CRACDL: variants seen among roughly 807,000 people sequenced by gnomAD.
CRACDL encodes CRACD-like protein.
CRACDL carries 26 observed loss-of-function variants against 70.6 expected under a neutral mutation model. The observed-to-expected ratio is 0.37, with a 90% CI of 0.27 to 0.51. CRACDL has a LOEUF of 0.51. Ranked by LOEUF, CRACDL falls within the 20% of genes least tolerant of loss-of-function variation. The probability of loss-of-function intolerance (pLI) is 0.94; values close to 1 mark genes in which losing one functional copy is unlikely to be tolerated. For missense variants in CRACDL, 1,283 were observed against 1,376.9 expected (o/e 0.93, Z 1.08); for synonymous variants, 618 against 615.2 (o/e 1.00, Z -0.07).
chr2:98,901,114 A>G (rs1203425929), intron 1 of CRACDL, among the ~76,000 whole-genome samples: 1 of 152,162 alleles, frequency 6.6e-6, no homozygotes, highest in Non-Finnish European at 1.5e-5. Context: ...TCCACTACTT[A>G]GAGTACCGTG....
At position 98,823,460 on chromosome 2, in the gene CRACDL, T is replaced by A. The variant is rs1328485372; in HGVS notation, c.813A>T (p.Glu271Asp). The part of the protein sequence containing the change: ...EEENEEKPLL[E>D]VSPEERPSSG... Reference sequence around the variant, plus strand: ...AGCTGGGGCGCTCTTCTGGGCTGACTTCCAAAAGTGGCTTCTCCTCGTTTT... The same window carrying A: ...AGCTGGGGCGCTCTTCTGGGCTGACATCCAAAAGTGGCTTCTCCTCGTTTT... The change falls in exon 7 of 10, where the codon GAA (glutamate) becomes GAT (aspartate). Residue 271 changes from glutamate to aspartate, a missense_variant. This residue lies in a region of CRACDL where 362 missense variants were observed against 495.0 expected (regional missense o/e 0.73). Transcript: ENST00000397899. The surrounding 1 kb of genome is among the most constrained non-coding windows in gnomAD (Gnocchi z 4.0). The A allele has an allele frequency of 6.3e-7, 1 of 1,593,236 alleles. No individual in the cohort carries two copies. Among genetic ancestry groups the A allele is most frequent in the African/African-American group, 1.3e-5 (1 of 74,710 alleles).
At chr2:98,865,115 C>T (rs1707083874) in intron 1 of CRACDL, among the ~76,000 whole-genome samples, 1 of 152,110 alleles carries the variant, frequency 6.6e-6, no homozygotes, top group African/African-American at 2.4e-5. Flanking sequence ...CCAACCCAAG[C>T]CCTGTGCACA....
intron 1 of CRACDL, among the ~76,000 whole-genome samples, chr2:98,896,774 G>A (rs987623425): frequency 5.8e-4 from 88 of 152,158 alleles, no homozygotes; most frequent in African/African-American, 2.0e-3. Context: ...TTTCTTTTAG[G>A]CTTTTAGCAG....
Position 98,794,349 on chromosome 2 carries a change from G to A in CRACDL, c.*183C>T. 1 of 506,766 alleles carries A rather than the reference G, an allele frequency of 2.0e-6. No homozygotes were observed. The highest frequency in any genetic ancestry group is 3.4e-6 in the Non-Finnish European group (1 of 291,524). 31.4% of individuals were successfully genotyped at this position (506,766 alleles called of 1,614,324 possible). The stretch of plus-strand genomic sequence containing the variant: ...TCTTGTTTCTGGGCCCTCTGGCCCA[G>A]GAGTATGGCTGTGTGTTTATCCTCT... On this transcript the variant is annotated 3_prime_UTR_variant, in exon 10 of 10. Coordinates refer to ENST00000397899, the MANE Select transcript of CRACDL (RefSeq NM_207362.3).
intron 7 of CRACDL, among the ~76,000 whole-genome samples, chr2:98,811,729 G>C (rs1191552112): frequency 3.9e-5 from 6 of 151,942 alleles, no homozygotes; most frequent in African/African-American, 1.5e-4. Flanking sequence ...GGCAACTACT[G>C]ATCTATTTGT....
intron 1 of CRACDL, among the ~76,000 whole-genome samples, chr2:98,877,646 G>C (rs1195390963): frequency 6.6e-6 from 1 of 152,094 alleles, no homozygotes; most frequent in Non-Finnish European, 1.5e-5. Flanking sequence ...CAACTCGGGA[G>C]GCTGAGACAG....
chr2:98,799,285 T>G (rs1703971069), intron 7 of CRACDL, among the ~76,000 whole-genome samples: 1 of 152,200 alleles, frequency 6.6e-6, no homozygotes, highest in Non-Finnish European at 1.5e-5. Flanking sequence ...CCTTTGTTTC[T>G]GCTTCCAGTT....
chr2:98,897,568 T>G, intron 1 of CRACDL: 1 of 279,456 alleles, frequency 3.6e-6, no homozygotes, highest in East Asian at 8.6e-5. Flanking sequence ...GGAGGTTCCA[T>G]GTAATCCAAT....
chr2:98,867,499 T>G (rs1441773322), intron 1 of CRACDL, among the ~76,000 whole-genome samples: 6 of 152,066 alleles, frequency 3.9e-5, no homozygotes, highest in Non-Finnish European at 8.8e-5. Context: ...TCATATGAGA[T>G]TTGAAAAACA....
chr2:98,933,555 C>T (rs1159522266), intron 1 of CRACDL, among the ~76,000 whole-genome samples: 1 of 152,172 alleles, frequency 6.6e-6, no homozygotes, highest in African/African-American at 2.4e-5. Flanking sequence ...TTGCACCTTT[C>T]CACAATAAAC....
At chr2:98,853,045 G>A (rs1465405364) in intron 1 of CRACDL, among the ~76,000 whole-genome samples, 23 of 114,382 alleles carry the variant, frequency 2.0e-4, no homozygotes, top group African/African-American at 7.0e-4. Context: ...AAGGGAAGGG[G>A]AAAGGGAAGG....
At chr2:98,808,246 G>C (rs1704402306) in intron 7 of CRACDL, among the ~76,000 whole-genome samples, 1 of 152,174 alleles carries the variant, frequency 6.6e-6, no homozygotes, top group Non-Finnish European at 1.5e-5. Flanking sequence ...TCCTAAGTTT[G>C]AGAAGCGCCG....
chr2:98,864,424 C>CA (rs1365263104), intron 1 of CRACDL, among the ~76,000 whole-genome samples: 1 of 151,968 alleles, frequency 6.6e-6, no homozygotes, highest in Non-Finnish European at 1.5e-5. Context: ...GCTGGGGAAA[C>CA]ACAGGTAGAA....
Position 98,846,747 on chromosome 2 carries a change from A to C in CRACDL, c.54T>G (p.Leu18=). The C allele has an allele frequency of 6.2e-7, 1 of 1,614,132 alleles. No individual in the cohort carries two copies. The highest frequency in any genetic ancestry group is 1.1e-5 in the South Asian group (1 of 91,086). Residue 18 remains leucine (L), a synonymous_variant, in exon 2 of 10, where the codon CTT becomes CTG. Coordinates refer to ENST00000397899, the MANE Select transcript of CRACDL (RefSeq NM_207362.3). ...DIKLREAAEG[L]GEDSTGKKKS... ...GGGCCTTACCTGTGCTGTCCTCCCCAAGGCCTTCTGCAGCCTCCCGAAGCT... is the reference window on the plus strand; with the variant it reads ...GGGCCTTACCTGTGCTGTCCTCCCCCAGGCCTTCTGCAGCCTCCCGAAGCT...
At chr2:98,827,310 T>A in intron 5 of CRACDL, 141 bp from the exon 6 acceptor site, 1 of 626,940 alleles carries the variant, frequency 1.6e-6, no homozygotes, top group Non-Finnish European at 2.8e-6. Flanking sequence ...TACTTTCTTT[T>A]TTTTTCCCCC....
intron 1 of CRACDL, among the ~76,000 whole-genome samples, chr2:98,926,831 G>T (rs990647981): frequency 6.6e-6 from 1 of 152,340 alleles, no homozygotes; most frequent in African/African-American, 2.4e-5. Flanking sequence ...GCAGCGAAGG[G>T]TTGCTCGGTA....
At chr2:98,828,709 A>C (rs1705417132) in intron 5 of CRACDL, among the ~76,000 whole-genome samples, 1 of 152,210 alleles carries the variant, frequency 6.6e-6, no homozygotes, top group South Asian at 2.1e-4. Context: ...TAATTACTAA[A>C]ATGGGGGAAA....
In CRACDL at chr2:98,931,324, CAAAAAA is replaced by C. The variant is rs530900049; in HGVS notation, c.-11+4608_-11+4613del. Among the ~76,000 whole-genome samples the C allele has an allele frequency of 6.2e-5, 6 of 96,248 alleles. No individual in the cohort carries two copies. In the East Asian group the frequency reaches 2.2e-3, roughly 36 times the overall value. 63.1% of individuals were successfully genotyped at this position (96,248 alleles called of 152,430 possible). A position where few individuals can be genotyped will look rare whatever the true frequency, so the allele number is the denominator to read the frequency against. ...TGGGCGACAGAGCAAGACTCCATCT[CAAAAAA>C]AAAAAAAAAAAAAAAGACACTAGAG... On this transcript the variant is annotated intron_variant, in intron 1 of 9. Transcript: ENST00000397899.
At chr2:98,808,876 C>T (rs1704433434) in intron 7 of CRACDL, among the ~76,000 whole-genome samples, 1 of 152,200 alleles carries the variant, frequency 6.6e-6, no homozygotes, top group African/African-American at 2.4e-5. Context: ...ACCAGTGCAG[C>T]TGCAGGGGAT....
Sources: gnomAD v4.1 joint callset for allele counts (sites outside exome capture counted in the v4.1 genomes callset) on GRCh38, gnomAD v4.1.1 for gene constraint, gnomAD v4.1.1 regional missense constraint, Gnocchi (gnomAD v3.1) non-coding constraint, MANE v1.5 for transcripts, NCBI Gene and HGNC (gene_info 2026-07-23, HGNC 2026-07-21) for gene names.